Variants in ADCY10 observed in about 807,000 individuals in gnomAD.
ADCY10 encodes the protein adenylate cyclase type 10.
In ADCY10, 156 loss-of-function variants were observed where a neutral mutation model predicts 183.3. The ratio of observed to expected loss-of-function variants is 0.85; its 90% CI spans 0.75 to 0.97. The LOEUF (loss-of-function observed/expected upper bound fraction) is 0.97, where lower values mean the gene tolerates loss of function less well. Ranked by LOEUF, ADCY10 falls within the 50% of genes least tolerant of loss-of-function variation. ADCY10 has a pLI of 0.00. For missense variants in ADCY10, 1,745 were observed against 1,934.3 expected, an observed-to-expected ratio of 0.90 and a Z score of 1.84; for synonymous variants, 645 against 670.0, an observed-to-expected ratio of 0.96 and a Z score of 0.58.
intron 30 of ADCY10, chr1:167,820,740 C>G (rs1266648154): frequency 1.3e-5 from 2 of 152,254 alleles, no homozygotes; most frequent in African/African-American, 4.8e-5. Context: ...AGTTGGAGAC[C>G]AGCCTGGGCA....
At chr1:167,895,097 GCTTGAAC>G (rs1374681416) in intron 7 of ADCY10, among the ~76,000 whole-genome samples, 3 of 150,888 alleles carry the variant, frequency 2.0e-5, no homozygotes, top group Non-Finnish European at 4.4e-5. Flanking sequence ...CAGGAGAATC[GCTTGAAC>G]CCGGGAGGCA....
At chr1:167,855,379 G>A (rs576853451) in intron 17 of ADCY10, among the ~76,000 whole-genome samples, 1 of 152,154 alleles carries the variant, frequency 6.6e-6, no homozygotes, top group South Asian at 2.1e-4. Context: ...CCCCAGGAGA[G>A]GAATCACTGA....
chr1:167,866,886 C>T (rs1666737864), intron 14 of ADCY10, among the ~76,000 whole-genome samples: 1 of 152,144 alleles, frequency 6.6e-6, no homozygotes, highest in Admixed American at 6.5e-5. Flanking sequence ...AAAGGCTGGC[C>T]CCCATATCTA....
Position 167,866,426 on chromosome 1 carries a change from T to G in ADCY10, c.1616+3831A>C, listed in dbSNP as rs560228175. The stretch of plus-strand genomic sequence containing the variant: ...AAATGTAAATTAGATAAATTATATC[T>G]ATTACAAACAACAGCAACAAGCTTT... On this transcript the variant is annotated intron_variant, in intron 14 of 32. Coordinates refer to ENST00000367851, the MANE Select transcript of ADCY10 (RefSeq NM_018417.6). Among the ~76,000 whole-genome samples, 521 of 149,520 alleles carry G rather than the reference T, an allele frequency of 3.5e-3. 5 individuals are homozygous for G. Among genetic ancestry groups the G allele is most frequent in the African/African-American group, 0.012 (496 of 40,534 alleles).
chr1:167,816,173 C>T (rs1171316009), intron 31 of ADCY10, among the ~76,000 whole-genome samples: 2 of 152,034 alleles, frequency 1.3e-5, no homozygotes, highest in Admixed American at 6.6e-5. Context: ...CCAGGAAGCT[C>T]GCAGAACACC....
At chr1:167,889,996 C>G (rs534191253) in intron 8 of ADCY10, among the ~76,000 whole-genome samples, 1 of 152,162 alleles carries the variant, frequency 6.6e-6, no homozygotes, top group Non-Finnish European at 1.5e-5. Context: ...CTTTGAGTTT[C>G]CTCAAACAGC....
rs767673328 is a variant in ADCY10, at chr1:167,875,142, T to C, written c.1451A>G (p.Tyr484Cys). 2.5e-6 allele frequency: 4 copies of C among 1,613,912 alleles called. No individual in the cohort carries two copies. The highest frequency in any genetic ancestry group is 2.5e-6 in the Non-Finnish European group (3 of 1,179,922). ...GGCCTACTACCTACCCAGCAAAGGG[T>C]AATCCTCCTTTCTGTTGCAGATGAG... ...ACLICNRKED[Y>C]PLLGRNKEIN... The change falls in exon 13 of 33, where the codon TAC (tyrosine) becomes TGC (cysteine). Residue 484 changes from tyrosine (Y) to cysteine (C), a missense_variant. Tyr to Cys is a radical substitution (Grantham distance 194, BLOSUM62 -2). Coordinates refer to ENST00000367851, the MANE Select transcript of ADCY10 (RefSeq NM_018417.6).
intron 18 of ADCY10, among the ~76,000 whole-genome samples, chr1:167,849,476 C>T (rs576861561): frequency 1.3e-5 from 2 of 152,264 alleles, no homozygotes; most frequent in South Asian, 4.2e-4. Context: ...ACACTAAGAG[C>T]TGGACTGCCA....
chr1:167,901,936 G>A (rs1669456831), intron 4 of ADCY10, 80 bp downstream of exon 4: 1 of 1,602,660 alleles, frequency 6.2e-7, no homozygotes, highest in Non-Finnish European at 8.5e-7. Context: ...TCTCTAGGAT[G>A]CCTCCTTTGT....
At chr1:167,820,182 C>T (rs1217759305) in intron 30 of ADCY10, 6 of 1,538,078 alleles carry the variant, frequency 3.9e-6, no homozygotes, top group Non-Finnish European at 4.4e-6. Flanking sequence ...AATGCCGCGG[C>T]GGCCGCAGCT....
intron 18 of ADCY10, among the ~76,000 whole-genome samples, chr1:167,851,893 A>G (rs1030848187): frequency 1.3e-5 from 2 of 152,202 alleles, no homozygotes; most frequent in African/African-American, 4.8e-5. Context: ...GAATTGATCA[A>G]ATAATATCCT....
In ADCY10 at chr1:167,841,632, C is replaced by G. The variant is rs1053219292; in HGVS notation, c.3007+3931G>C. Among the ~76,000 whole-genome samples, 3 of 149,414 alleles carry G rather than the reference C, an allele frequency of 2.0e-5. No individual in the cohort carries two copies. The Admixed American group carries it at 2.0e-4, about 10-fold the overall frequency. On this transcript the variant is annotated intron_variant, in intron 21 of 32. Coordinates refer to ENST00000367851, the MANE Select transcript of ADCY10 (RefSeq NM_018417.6). ...AAGCAATACTCTTGAGTAGCTGGGA[C>G]TACAGGCACAAGCCATCGCACCTGG...
At chr1:167,885,143 T>C (rs1468466924) in intron 8 of ADCY10, among the ~76,000 whole-genome samples, 1 of 152,256 alleles carries the variant, frequency 6.6e-6, no homozygotes, top group Non-Finnish European at 1.5e-5. Context: ...GGCTGAATAG[T>C]ACTTCGTTGT....
At chr1:167,883,682 C>T in intron 8 of ADCY10, 54 bp from the exon 9 acceptor site, 8 of 1,549,864 alleles carry the variant, frequency 5.2e-6, no homozygotes, top group South Asian at 1.1e-5. Context: ...GATCCCTCCC[C>T]CAACACCGCC....
At chr1:167,846,825 T>C (rs1665064812) in intron 19 of ADCY10, among the ~76,000 whole-genome samples, 1 of 150,890 alleles carries the variant, frequency 6.6e-6, no homozygotes, top group Non-Finnish European at 1.5e-5. Flanking sequence ...CGGTAGCTCA[T>C]GTGACTTTCT....
In ADCY10 at chr1:167,846,162, C is replaced by T; in HGVS notation, c.2539G>A (p.Glu847Lys). The T allele has an allele frequency of 6.2e-7, 1 of 1,614,196 alleles. No homozygotes were observed. Among genetic ancestry groups the T allele is most frequent in the Non-Finnish European group, 8.5e-7 (1 of 1,180,040 alleles). Reference protein sequence around the residue: ...GLTFTTELLFEILPCWNMKMM... With the variant: ...GLTFTTELLFKILPCWNMKMM... Reference sequence around the variant, plus strand: ...TTCATATTCCAACAGGGGAGAATCTCAAACAACAACTCAGTGGTGAAGGTC... The same window carrying T: ...TTCATATTCCAACAGGGGAGAATCTTAAACAACAACTCAGTGGTGAAGGTC... Residue 847 changes from glutamate (E) to lysine (K), a missense_variant, in exon 20 of 33, where the codon GAG (glutamate) becomes AAG (lysine). Glu to Lys is a moderately conservative substitution (Grantham distance 56). Coordinates refer to ENST00000367851, the MANE Select transcript of ADCY10 (RefSeq NM_018417.6).
chr1:167,827,649 C>T (rs1663407060), intron 26 of ADCY10, among the ~76,000 whole-genome samples: 1 of 151,868 alleles, frequency 6.6e-6, no homozygotes. Flanking sequence ...TCCGTGGCAC[C>T]TTTTCAGAGA....
chr1:167,871,854 A>G (rs966503032), intron 13 of ADCY10, among the ~76,000 whole-genome samples: 2 of 152,156 alleles, frequency 1.3e-5, no homozygotes, highest in Admixed American at 6.6e-5. Flanking sequence ...TTTGAACCTC[A>G]ATTTCGTGAG....
chr1:167,856,035 T>A (rs1431062411), intron 17 of ADCY10, 130 bp downstream of exon 17: 10 of 1,060,252 alleles, frequency 9.4e-6, no homozygotes, highest in Non-Finnish European at 1.4e-5. Context: ...AAGAAAAATT[T>A]TTTAAAAGGT....
Sources: allele counts gnomAD v4.1 joint callset (sites outside exome capture counted in the v4.1 genomes callset), GRCh38; gene constraint gnomAD v4.1.1; transcripts MANE v1.5; gene names NCBI Gene and HGNC (gene_info 2026-07-23, HGNC 2026-07-21).